The following PDZD2 variants were observed in gnomAD, a reference collection of about 807,000 sequenced individuals.
PDZD2 encodes PDZ domain containing 2.
In PDZD2, 90 loss-of-function variants were observed where a neutral mutation model predicts 220.7. That is an observed-to-expected ratio of 0.41 (90% confidence interval 0.34 to 0.49). PDZD2 has a LOEUF of 0.49. Among genes scored for constraint, PDZD2 ranks in the 20% least tolerant of loss-of-function variants. The probability of loss-of-function intolerance (pLI) is 0.28; values close to 1 mark genes in which losing one functional copy is unlikely to be tolerated. For synonymous variants in PDZD2, 1,375 were observed against 1,450.5 expected, an observed-to-expected ratio of 0.95 and a Z score of 1.18; for missense variants, 3,174 against 3,608.5, an observed-to-expected ratio of 0.88 and a Z score of 3.08.
chr5:31,753,281 C>A (rs2150179744), intron 1 of PDZD2, among the ~76,000 whole-genome samples: 1 of 152,298 alleles, frequency 6.6e-6, no homozygotes, highest in South Asian at 2.1e-4. Context: ...GGCACGGATG[C>A]AGGTTTTCTA....
chr5:31,807,744 C>T (rs966170364), intron 2 of PDZD2, among the ~76,000 whole-genome samples: 4 of 151,938 alleles, frequency 2.6e-5, no homozygotes, highest in East Asian at 1.9e-4. Context: ...CTTTGAGTTC[C>T]GGGAGTGTGA....
chr5:32,047,236 A>C (rs1317757610), intron 7 of PDZD2, among the ~76,000 whole-genome samples: 1 of 116,090 alleles, frequency 8.6e-6, no homozygotes, highest in African/African-American at 2.8e-5. Flanking sequence ...TTTAAAAAAA[A>C]CAAATGAATA....
rs1421751559 is a variant in PDZD2, at chr5:31,926,232, AAAAATT to A, written c.477-56918_477-56913del. Among the ~76,000 whole-genome samples, 152 of 151,694 alleles carry A rather than the reference AAAAATT, an allele frequency of 1.0e-3. 1 individual carries two copies. Among genetic ancestry groups the A allele is most frequent in the African/African-American group, 3.5e-3 (146 of 41,318 alleles). ...AAGACCCTGTCACTTAAAAAAAAAAAAAAATTAAAAGCCAGGCCAGGCATGATGGCT... is the reference window on the plus strand; with the variant it reads ...AAGACCCTGTCACTTAAAAAAAAAAAAAAAGCCAGGCCAGGCATGATGGCT... On this transcript the variant is annotated intron_variant, in intron 2 of 24. Coordinates refer to ENST00000438447, the MANE Select transcript of PDZD2 (RefSeq NM_178140.4).
intron 19 of PDZD2, among the ~76,000 whole-genome samples, chr5:32,081,033 C>T (rs1216073369): frequency 2.0e-5 from 3 of 151,834 alleles, no homozygotes; most frequent in African/African-American, 7.3e-5. Flanking sequence ...ACACATTTCC[C>T]TGTGTAACAA....
intron 1 of PDZD2, among the ~76,000 whole-genome samples, chr5:31,790,663 T>C (rs1753652127): frequency 6.6e-6 from 1 of 151,056 alleles, no homozygotes; most frequent in Non-Finnish European, 1.5e-5. Context: ...CTTTACTTTT[T>C]AACTTAGAAT....
rs754080545 is a variant in PDZD2 at position 32,074,635 on chromosome 5, G to A, written c.3529G>A (p.Val1177Met). The change falls in exon 18 of 25, where the codon GTG becomes ATG. Residue 1177 changes from valine (V) to methionine (M), a missense_variant. Physicochemically the swap from Val to Met is conservative, Grantham distance 21 (BLOSUM62 1). Coordinates refer to ENST00000438447, the MANE Select transcript of PDZD2 (RefSeq NM_178140.4). Reference sequence around the variant, plus strand: ...CGCTGGCTTTCAGCCAGGTGGAGCTGTGGAGAAGGTAACTGACTTTCTCTT... The same window carrying A: ...CGCTGGCTTTCAGCCAGGTGGAGCTATGGAGAAGGTAACTGACTTTCTCTT... ...TVAGFQPGGA[V>M]EKESLGKLTT... 1.3e-6 allele frequency: 2 copies of A among 1,599,026 alleles called. No homozygotes were observed. Among genetic ancestry groups the A allele is most frequent in the Non-Finnish European group, 8.5e-7 (1 of 1,172,948 alleles).
intron 6 of PDZD2, among the ~76,000 whole-genome samples, chr5:32,024,312 A>G (rs1754446919): frequency 6.6e-6 from 1 of 152,258 alleles, no homozygotes; most frequent in Admixed American, 6.5e-5. Context: ...CAAAAGTTAC[A>G]GCCACAGTGC....
chr5:31,994,923 C>G (rs186481928), intron 3 of PDZD2, among the ~76,000 whole-genome samples: 1 of 152,274 alleles, frequency 6.6e-6, no homozygotes, highest in East Asian at 1.9e-4. Context: ...AAGAACAAAC[C>G]TGGAAATACT....
At position 32,099,822 on chromosome 5, in the gene PDZD2, C is replaced by T. The variant is rs367587230; in HGVS notation, c.8218+1188C>T. The T allele has an allele frequency of 2.0e-5, 3 of 152,428 alleles. No homozygotes were observed. In the East Asian group the frequency reaches 5.8e-4, roughly 29 times the overall value. 9.4% of individuals were successfully genotyped at this position (152,428 alleles called of 1,614,324 possible). ...TGGTCTTGAAGCAGACCCTGCAGAG[C>T]AATCAATCAAACGCTGAGCGCCTGG... is the stretch of plus-strand genomic sequence containing the variant. On this transcript the variant is annotated intron_variant, in intron 23 of 24. Coordinates refer to ENST00000438447, the MANE Select transcript of PDZD2 (RefSeq NM_178140.4).
intron 1 of PDZD2, among the ~76,000 whole-genome samples, chr5:31,689,353 A>ATATATATATATATATATATATTTTTT: frequency 2.8e-5 from 1 of 35,122 alleles, no homozygotes; most frequent in Non-Finnish European, 4.2e-5. Context: ...ATATATATAT[A>ATATATATATATATATATATATTTTTT]TTTTTTTTTT....
At chr5:31,947,861 GAA>G (rs1052653585) in intron 2 of PDZD2, among the ~76,000 whole-genome samples, 2 of 151,832 alleles carry the variant, frequency 1.3e-5, no homozygotes, top group Non-Finnish European at 2.9e-5. Flanking sequence ...GTGAGAGAGA[GAA>G]AGAGAGAGAG....
chr5:31,950,452 A>G (rs1000592047), intron 2 of PDZD2, among the ~76,000 whole-genome samples: 1 of 152,220 alleles, frequency 6.6e-6, no homozygotes, highest in African/African-American at 2.4e-5. Context: ...TGGATAGAAG[A>G]TGGTATGGGA....
chr5:31,783,534 C>T (rs1015416085), intron 1 of PDZD2, among the ~76,000 whole-genome samples: 3 of 152,176 alleles, frequency 2.0e-5, no homozygotes, highest in Admixed American at 6.5e-5. Context: ...GCACAGTCTG[C>T]GTGCTCAGCA....
intron 1 of PDZD2, among the ~76,000 whole-genome samples, chr5:31,686,366 C>CTT (rs544635682): frequency 6.7e-6 from 1 of 149,012 alleles, no homozygotes. Context: ...AAAAAGTTTT[C>CTT]TTTTTTTTTT....
In PDZD2 at chr5:31,772,480, G is replaced by A. The variant is rs139819284; in HGVS notation, c.-360-26409G>A. Among the ~76,000 whole-genome samples, 1,466 of 152,264 alleles carry A rather than the reference G, an allele frequency of 9.6e-3. 15 individuals carry two copies. The highest frequency in any genetic ancestry group is 0.026 in the African/African-American group (1,092 of 41,564). On this transcript the variant is annotated intron_variant, in intron 1 of 24. Transcript: ENST00000438447. The stretch of plus-strand genomic sequence containing the variant: ...GTGCTCTCGCCATTGCCCCATCCGC[G>A]AGTTGCACCCTTCTGTGGAAGTAAA...
intron 1 of PDZD2, among the ~76,000 whole-genome samples, chr5:31,724,088 G>A (rs1423991697): frequency 6.6e-6 from 1 of 152,090 alleles, no homozygotes; most frequent in African/African-American, 2.4e-5. Flanking sequence ...CAATTTACTT[G>A]CTTCTAACAG....
rs1157086844 is a variant in PDZD2, at chr5:32,098,020, G to A, written c.7948-344G>A. The stretch of plus-strand genomic sequence containing the variant: ...TGTAATCCCAGCACTTTGGGAGGTC[G>A]AGGCGGGTGGATCACCTGAGGTCAG... On this transcript the variant is annotated intron_variant, in intron 22 of 24. Coordinates refer to ENST00000438447, the MANE Select transcript of PDZD2 (RefSeq NM_178140.4). This position sits in a 1 kb window ranked among gnomAD's most constrained non-coding sequence, Gnocchi z 4.1. 3.3e-5 allele frequency among the ~76,000 whole-genome samples: 5 copies of A among 152,254 alleles called. No individual in the cohort carries two copies. Among genetic ancestry groups the A allele is most frequent in the East Asian group, 1.9e-4 (1 of 5,180 alleles).
chr5:31,879,651 C>T (rs892657340), intron 2 of PDZD2, among the ~76,000 whole-genome samples: 6 of 152,072 alleles, frequency 3.9e-5, no homozygotes, highest in African/African-American at 9.7e-5. Flanking sequence ...TTGCCTTGTC[C>T]TTCCTTTTTC....
chr5:31,901,437 G>A (rs1481284899), intron 2 of PDZD2, among the ~76,000 whole-genome samples: 2 of 149,142 alleles, frequency 1.3e-5, no homozygotes, highest in African/African-American at 2.5e-5. Context: ...AAAAGAAGAA[G>A]AAAGGTGACT....
Sources: gnomAD v4.1 joint callset for allele counts (sites outside exome capture counted in the v4.1 genomes callset) on GRCh38, gnomAD v4.1.1 for gene constraint, Gnocchi (gnomAD v3.1) non-coding constraint, MANE v1.5 for transcripts, NCBI Gene and HGNC (gene_info 2026-07-23, HGNC 2026-07-21) for gene names.